Variants in FRMPD3 observed in about 807,000 individuals in gnomAD.
The protein encoded by FRMPD3 is FERM and PDZ domain-containing protein 3.
Under a neutral mutation model 97.9 loss-of-function variants are expected in FRMPD3, and 42 were observed. The ratio of observed to expected loss-of-function variants is 0.43; its 90% CI spans 0.34 to 0.55. FRMPD3 has a LOEUF of 0.55. Ranked by LOEUF, FRMPD3 falls within the 20% of genes least tolerant of loss-of-function variation. FRMPD3 has a pLI of 0.03. For missense variants in FRMPD3, 1,303 were observed against 1,457.7 expected (o/e 0.89, Z 1.73); for synonymous variants, 577 against 581.1 (o/e 0.99, Z 0.10).
intron 1 of FRMPD3, among the ~76,000 whole-genome samples, chrX:107,516,324 C>G (rs1036064052): frequency 3.6e-5 from 4 of 110,389 alleles, no homozygotes; most frequent in African/African-American, 1.3e-4. Flanking sequence ...TGAATAGTGC[C>G]GCAATAAACA....
intron 4 of FRMPD3, among the ~76,000 whole-genome samples, chrX:107,535,580 C>T (rs749882609): frequency 3.8e-5 from 4 of 105,286 alleles, no homozygotes; most frequent in Non-Finnish European, 7.7e-5. Flanking sequence ...GGCTAAGGCA[C>T]GAGAATCATT....
chrX:107,550,499 A>G (rs1389703421), intron 6 of FRMPD3, among the ~76,000 whole-genome samples: 1 of 112,647 alleles, frequency 8.9e-6, no homozygotes, highest in Admixed American at 9.4e-5. Flanking sequence ...AAAGTGATTT[A>G]TATTGATACC....
intron 13 of FRMPD3, among the ~76,000 whole-genome samples, chrX:107,579,670 G>C (rs1327429854): frequency 9.0e-6 from 1 of 111,608 alleles, no homozygotes; most frequent in Non-Finnish European, 1.9e-5. Flanking sequence ...CTTAGAGAAA[G>C]GTCCAGAAAA....
At chrX:107,588,301 C>G (rs1276609434) in intron 13 of FRMPD3, among the ~76,000 whole-genome samples, 1 of 109,141 alleles carries the variant, frequency 9.2e-6, no homozygotes, top group Non-Finnish European at 1.9e-5. Flanking sequence ...GTTGCCCAGG[C>G]TGGAGTGCAA....
Position 107,603,108 on chromosome X carries a change from T to C in FRMPD3, c.5069T>C (p.Leu1690Pro). 1.7e-6 allele frequency: 2 copies of C among 1,209,470 alleles called. No individual in the cohort carries two copies. The highest frequency in any genetic ancestry group is 2.2e-6 in the Non-Finnish European group (2 of 895,041). The change falls in exon 15 of 15, where the codon CTG becomes CCG. Residue 1690 changes from leucine to proline, a missense_variant. Physicochemically the swap from Leu to Pro is moderately conservative, Grantham distance 98. This residue lies in a region of FRMPD3 where 764 missense variants were observed against 820.2 expected (regional missense o/e 0.93). Transcript: ENST00000683843. ...VRSEAQRQEL[L>P]AKVEEVVRNY... ...TCCGAGGCCCAGCGCCAAGAGCTGC[T>C]GGCCAAGGTAGAAGAGGTGGTGAGG...
intron 1 of FRMPD3, among the ~76,000 whole-genome samples, chrX:107,464,897 A>G (rs1795226090): frequency 8.9e-6 from 1 of 111,738 alleles, no homozygotes; most frequent in African/African-American, 3.3e-5. Context: ...CTGGCAGAGA[A>G]GCAGTGTGAC....
intron 1 of FRMPD3, among the ~76,000 whole-genome samples, chrX:107,511,553 C>T (rs1033945083): frequency 8.8e-6 from 1 of 113,014 alleles, no homozygotes; most frequent in South Asian, 3.6e-4. Flanking sequence ...GCCTTAGTAG[C>T]CTCACAGGAA....
At chrX:107,532,045 G>A (rs1407097745) in intron 3 of FRMPD3, among the ~76,000 whole-genome samples, 1 of 112,499 alleles carries the variant, frequency 8.9e-6, no homozygotes, top group Non-Finnish European at 1.9e-5. Context: ...GAATAAGACA[G>A]ACAAAGATCC....
intron 1 of FRMPD3, among the ~76,000 whole-genome samples, chrX:107,520,440 G>C (rs1406926600): frequency 1.9e-5 from 2 of 107,276 alleles, no homozygotes; most frequent in Non-Finnish European, 3.8e-5. Flanking sequence ...CAGAGTTCGA[G>C]ACCAGCCTAG....
At chrX:107,542,577 G>T (rs1295277939) in intron 4 of FRMPD3, among the ~76,000 whole-genome samples, 1 of 111,810 alleles carries the variant, frequency 8.9e-6, no homozygotes, top group African/African-American at 3.3e-5. Flanking sequence ...GCTGGACTCA[G>T]GTGAAAGAAG....
chrX:107,484,065 C>T (rs1921442705), intron 1 of FRMPD3, among the ~76,000 whole-genome samples: 1 of 112,243 alleles, frequency 8.9e-6, no homozygotes, highest in South Asian at 3.7e-4. Flanking sequence ...TAGAAACCCC[C>T]ATGGGGTGGT....
chrX:107,466,007 C>G lies in FRMPD3; in HGVS notation c.-8+16002C>G, dbSNP rs533066634. ...AGAAGTTTTGCAGTAGAGAAACTTG[C>G]TAAAAACATAGTTTTGTGGCTTCCA... is the stretch of plus-strand genomic sequence containing the variant. On this transcript the variant is annotated intron_variant, in intron 1 of 14. Transcript: ENST00000683843. Among the ~76,000 whole-genome samples, 14 of 112,265 alleles carry G rather than the reference C, an allele frequency of 1.2e-4. No homozygotes were observed. In the South Asian group the frequency reaches 4.8e-3, roughly 38 times the overall value.
Position 107,597,786 on chromosome X carries a change from A to T in FRMPD3, c.1907A>T (p.Asp636Val). Reference sequence around the variant, plus strand: ...GGTGGGAAGCCTGGCTCCTCTCGTGACAATATAGTAGATTTGATGTCCCTC... The same window carrying T: ...GGTGGGAAGCCTGGCTCCTCTCGTGTCAATATAGTAGATTTGATGTCCCTC... ...RKGGKPGSSR[D>V]NIVDLMSLPP... The change falls in exon 14 of 15, where the codon GAC becomes GTC. Residue 636 changes from aspartate to valine, a missense_variant. Asp to Val is a radical substitution (Grantham distance 152). Around this residue, in one of 3 missense-constraint regions of FRMPD3, gnomAD observed 535 missense variants for 618.6 expected, o/e 0.86. Transcript: ENST00000683843. 8.5e-7 allele frequency: 1 copy of T among 1,182,319 alleles called. No homozygotes were observed.
At position 107,520,498 on chromosome X, in the gene FRMPD3, A is replaced by C. The variant is rs760174033; in HGVS notation, c.-7-6084A>C. Among the ~76,000 whole-genome samples, 508 of 104,406 alleles carry C rather than the reference A, an allele frequency of 4.9e-3. 5 individuals carry two copies. The highest frequency in any genetic ancestry group is 5.7e-3 in the Non-Finnish European group (296 of 52,007). The allele number at this position is 104,406 out of a possible 115,157, so 90.7% of individuals were successfully genotyped here. A position where few individuals can be genotyped will look rare whatever the true frequency, so the allele number is the denominator to read the frequency against. On this transcript the variant is annotated intron_variant, in intron 1 of 14. Coordinates refer to ENST00000683843, the MANE Select transcript of FRMPD3 (RefSeq NM_001388459.1). The stretch of plus-strand genomic sequence containing the variant: ...CTACTAAAAATACAAAAAAAAAAAA[A>C]CACACACAAAAATTAGCCAGGCATG...
intron 1 of FRMPD3, among the ~76,000 whole-genome samples, chrX:107,495,360 C>T (rs1284663953): frequency 8.9e-6 from 1 of 111,983 alleles, no homozygotes; most frequent in Non-Finnish European, 1.9e-5. Context: ...TTTTCCAAAC[C>T]ACTTATTCTC....
Position 107,526,764 on chromosome X carries a change from G to A in FRMPD3, c.148+28G>A, listed in dbSNP as rs1043032788. The stretch of plus-strand genomic sequence containing the variant: ...AGGTGTCCCTCAGAGTGTTCCCCTA[G>A]CCCTGACTCCTGTCTCCCAACACCC... On this transcript the variant is annotated intron_variant, in intron 2 of 14. Transcript: ENST00000683843. The A allele has an allele frequency of 7.0e-6, 8 of 1,140,676 alleles. No homozygotes were observed. The African/African-American group carries it at 1.1e-4, about 16-fold the overall frequency. 94.0% of individuals were successfully genotyped at this position (1,140,676 alleles called of 1,213,427 possible).
chrX:107,598,186 T>A lies in FRMPD3; in HGVS notation c.2263+44T>A, dbSNP rs769222204. On this transcript the variant is annotated intron_variant, in intron 14 of 14. Coordinates refer to ENST00000683843, the MANE Select transcript of FRMPD3 (RefSeq NM_001388459.1). ...TCCCTCTTTCCACCCCCTTCTCTTG[T>A]CCAACAAGGGCCAGTAGGTAACATT... The A allele has an allele frequency of 3.7e-6, 4 of 1,076,571 alleles. No homozygotes were observed. The Admixed American group carries it at 9.4e-5, about 25-fold the overall frequency. 88.7% of individuals were successfully genotyped at this position (1,076,571 alleles called of 1,213,427 possible).
At chrX:107,472,957 T>C (rs1455386579) in intron 1 of FRMPD3, among the ~76,000 whole-genome samples, 1 of 112,148 alleles carries the variant, frequency 8.9e-6, no homozygotes, top group African/African-American at 3.2e-5. Context: ...TGTTACTTAA[T>C]TTACCCAGCC....
intron 12 of FRMPD3, among the ~76,000 whole-genome samples, chrX:107,574,607 A>G (rs1351929775): frequency 8.9e-6 from 1 of 112,392 alleles, no homozygotes; most frequent in Non-Finnish European, 1.9e-5. Context: ...AAAGAAAACC[A>G]CTGCAACTTT....
Sources: gnomAD v4.1 joint callset for allele counts (sites outside exome capture counted in the v4.1 genomes callset) on GRCh38, gnomAD v4.1.1 for gene constraint, gnomAD v4.1.1 regional missense constraint, MANE v1.5 for transcripts, NCBI Gene and HGNC (gene_info 2026-07-23, HGNC 2026-07-21) for gene names.